Variants in ANKRD50 observed in about 807,000 individuals in gnomAD.
ANKRD50 encodes ankyrin repeat domain 50.
A neutral mutation model predicts 112.0 loss-of-function variants in ANKRD50; 40 were observed. The observed-to-expected ratio is 0.36, with a 90% CI of 0.28 to 0.46. The LOEUF (loss-of-function observed/expected upper bound fraction) is 0.46. Ranked by LOEUF, ANKRD50 falls within the 20% of genes least tolerant of loss-of-function variation. The pLI is 1.00. For missense variants in ANKRD50, 1,487 were observed against 1,701.7 expected (o/e 0.87, Z 2.22); for synonymous variants, 613 against 619.1 (o/e 0.99, Z 0.15).
In ANKRD50 at chr4:124,710,016, C is replaced by T. The variant is rs779294156; in HGVS notation, c.496G>A (p.Ala166Thr). 2.5e-6 allele frequency: 4 copies of T among 1,609,534 alleles called. No homozygotes were observed. Among genetic ancestry groups the T allele is most frequent in the South Asian group, 2.2e-5 (2 of 90,922 alleles). The stretch of plus-strand genomic sequence containing the variant: ...TATTGTTACCTTTTAAATGCTTCGG[C>T]TGGGTTTCTCTCGCACTCCCCAGGC... ...LQPGECERNPAEAFKRCVLLP... is the reference protein window; with the variant it reads ...LQPGECERNPTEAFKRCVLLP... Residue 166 changes from alanine (A) to threonine (T), a missense_variant, in exon 2 of 5, where the codon GCC becomes ACC. Around this residue, in one of 2 missense-constraint regions of ANKRD50, gnomAD observed 1,046 missense variants for 1,269.5 expected, o/e 0.82. Transcript: ENST00000504087.
Position 124,666,899 on chromosome 4 carries a change from T to A in ANKRD50, c.*619A>T, listed in dbSNP as rs1215469836. 1 of 152,216 alleles carries A rather than the reference T, an allele frequency of 6.6e-6. No individual in the cohort carries two copies. Among genetic ancestry groups the A allele is most frequent in the East Asian group, 1.9e-4 (1 of 5,186 alleles). The allele number at this position is 152,216 out of a possible 1,614,324, so 9.4% of individuals were successfully genotyped here. A position where few individuals can be genotyped will look rare whatever the true frequency, so the allele number is the denominator to read the frequency against. ...ATTTAAACTACTTAAAGCAGCTCCC[T>A]AAACTACTATAAAATATTTTTTTTA... On this transcript the variant is annotated 3_prime_UTR_variant, in exon 5 of 5. Coordinates refer to ENST00000504087, the MANE Select transcript of ANKRD50 (RefSeq NM_020337.3).
At chr4:124,684,615 T>C (rs1351664838) in intron 2 of ANKRD50, among the ~76,000 whole-genome samples, 1 of 152,184 alleles carries the variant, frequency 6.6e-6, no homozygotes, top group Non-Finnish European at 1.5e-5. Context: ...TTGATATTCA[T>C]CAGCATATGC....
In ANKRD50 at chr4:124,670,303, T is replaced by C. The variant is rs746096555; in HGVS notation, c.2974A>G (p.Met992Val). Residue 992 changes from methionine (M) to valine (V), a missense_variant, in exon 4 of 5, where the codon ATG becomes GTG. This residue lies in a region of ANKRD50 where 1,046 missense variants were observed against 1,269.5 expected (regional missense o/e 0.82). Transcript: ENST00000504087. ...GCTATCAGGACCTGCACCATTTCCA[T>C]ATGGCCTTGCCAACAAGACACATGA... ...ALHVSCWQGH[M>V]EMVQVLIAYH... is the part of the protein sequence containing the mutation. 3 of 1,613,948 alleles carry C rather than the reference T, an allele frequency of 1.9e-6. No homozygotes were observed. The highest frequency in any genetic ancestry group is 1.7e-6 in the Non-Finnish European group (2 of 1,179,896).
intron 2 of ANKRD50, among the ~76,000 whole-genome samples, chr4:124,690,621 T>G (rs1417113403): frequency 2.6e-5 from 4 of 152,116 alleles, no homozygotes; most frequent in Non-Finnish European, 4.4e-5. Context: ...CAAATTAAAG[T>G]GTTACCTTAA....
intron 2 of ANKRD50, among the ~76,000 whole-genome samples, chr4:124,702,631 C>T (rs943045936): frequency 2.0e-5 from 3 of 152,032 alleles, no homozygotes; most frequent in African/African-American, 7.2e-5. Flanking sequence ...AATTATAGAA[C>T]CTAGATAAGG....
At chr4:124,708,328 T>C (rs976992614) in intron 2 of ANKRD50, among the ~76,000 whole-genome samples, 2 of 152,136 alleles carry the variant, frequency 1.3e-5, no homozygotes, top group Non-Finnish European at 2.9e-5. Context: ...ATTTCCTCAT[T>C]AATTTAAGAA....
At chr4:124,699,121 T>A (rs1255348543) in intron 2 of ANKRD50, among the ~76,000 whole-genome samples, 2 of 152,126 alleles carry the variant, frequency 1.3e-5, no homozygotes, top group African/African-American at 4.8e-5. Context: ...AAAAAGTAAA[T>A]TCACAAGAAG....
chr4:124,680,877 C>G (rs1251540684), intron 2 of ANKRD50, among the ~76,000 whole-genome samples: 1 of 151,752 alleles, frequency 6.6e-6, no homozygotes, highest in Non-Finnish European at 1.5e-5. Flanking sequence ...GTTGAGGCAA[C>G]AGCACATGCA....
chr4:124,700,506 A>T (rs1020279174), intron 2 of ANKRD50, among the ~76,000 whole-genome samples: 1 of 152,208 alleles, frequency 6.6e-6, no homozygotes, highest in Non-Finnish European at 1.5e-5. Flanking sequence ...AGAGAAGTGG[A>T]GGTATTTGTT....
In ANKRD50 at chr4:124,671,620, C is replaced by T; in HGVS notation, c.1657G>A (p.Ala553Thr). 5 of 1,613,874 alleles carry T rather than the reference C, an allele frequency of 3.1e-6. No individual in the cohort carries two copies. The highest frequency in any genetic ancestry group is 1.7e-4 in the Middle Eastern group (1 of 6,058). The change falls in exon 4 of 5, where the codon GCA becomes ACA. Residue 553 changes from alanine to threonine, a missense_variant. Ala to Thr is a moderately conservative substitution (Grantham distance 58). Transcript: ENST00000504087. ...SNGRTLLANA[A>T]YSGSLDVVNL... ...ACTACATCAAGACTGCCACTATATGCAGCATTAGCCAATAATGTTCTCCCA... is the reference window on the plus strand; with the variant it reads ...ACTACATCAAGACTGCCACTATATGTAGCATTAGCCAATAATGTTCTCCCA...
In ANKRD50 at chr4:124,669,939, A is replaced by G. The variant is rs1342350145; in HGVS notation, c.3338T>C (p.Val1113Ala). The change falls in exon 4 of 5, where the codon GTT (valine) becomes GCT (alanine). Residue 1113 changes from valine to alanine, a missense_variant. Physicochemically the swap from Val to Ala is moderately conservative, Grantham distance 64. Around this residue, in one of 2 missense-constraint regions of ANKRD50, gnomAD observed 441 missense variants for 432.2 expected, o/e 1.02. Coordinates refer to ENST00000504087, the MANE Select transcript of ANKRD50 (RefSeq NM_020337.3). ...TAGAGGTTTTTGCTCCATTGTGTGA[A>G]CAGGAGATGGGGAACAGCCATTCAA... is the stretch of plus-strand genomic sequence containing the variant. ...SSLNGCSPSP[V>A]HTMEQKPLQS... The G allele has an allele frequency of 6.2e-7, 1 of 1,613,120 alleles. No homozygotes were observed. Among genetic ancestry groups the G allele is most frequent in the Admixed American group, 1.7e-5 (1 of 59,784 alleles).
chr4:124,677,064 T>C (rs530258143), intron 3 of ANKRD50, among the ~76,000 whole-genome samples: 29 of 151,832 alleles, frequency 1.9e-4, no homozygotes, highest in African/African-American at 6.7e-4. Flanking sequence ...AATATAATAA[T>C]ATATATCCTT....
chr4:124,671,571 G>C lies in ANKRD50; in HGVS notation c.1706C>G (p.Ala569Gly), dbSNP rs1353500019. 1 of 1,613,742 alleles carries C rather than the reference G, an allele frequency of 6.2e-7. No individual in the cohort carries two copies. The highest frequency in any genetic ancestry group is 1.1e-5 in the South Asian group (1 of 91,078). Residue 569 changes from alanine to glycine, a missense_variant, in exon 4 of 5, where the codon GCA (alanine) becomes GGA (glycine). Ala to Gly is a moderately conservative substitution (Grantham distance 60). Around this residue, in one of 2 missense-constraint regions of ANKRD50, gnomAD observed 1,046 missense variants for 1,269.5 expected, o/e 0.82. Coordinates refer to ENST00000504087, the MANE Select transcript of ANKRD50 (RefSeq NM_020337.3). ...DVVNLLVSRG[A>G]DLEIEDAHGH... is the part of the protein sequence containing the mutation. ...ATGAGCATCTTCTATCTCTAAATCT[G>C]CTCCCCTAGAGACAAGTAAATTGAC...
chr4:124,700,634 T>C (rs1227145568), intron 2 of ANKRD50, among the ~76,000 whole-genome samples: 1 of 152,242 alleles, frequency 6.6e-6, no homozygotes, highest in Non-Finnish European at 1.5e-5. Flanking sequence ...CCATTTTAAA[T>C]ATTTAACTTC....
chr4:124,674,761 ATAATT>A (rs1213851845), intron 3 of ANKRD50, among the ~76,000 whole-genome samples: 2 of 151,846 alleles, frequency 1.3e-5, no homozygotes, highest in Admixed American at 1.3e-4. Context: ...CAGAGAATTT[ATAATT>A]TAGAGAATAA....
chr4:124,670,635 C>T lies in ANKRD50; in HGVS notation c.2642G>A (p.Arg881Gln), dbSNP rs750377319. 1.5e-5 allele frequency: 25 copies of T among 1,613,390 alleles called. No homozygotes were observed. The highest frequency in any genetic ancestry group is 4.4e-5 in the South Asian group (4 of 90,956). ...TTGTGAAGCTAATATGAAAGGGATT[C>T]GTCCATCATTGTCAATCTCATTTGT... Reference protein sequence around the residue: ...ARTNEIDNDGRIPFILASQEG... With the variant: ...ARTNEIDNDGQIPFILASQEG... The change falls in exon 4 of 5, where the codon CGA becomes CAA. Residue 881 changes from arginine to glutamine, a missense_variant. By Grantham distance (43) the Arg-to-Gln change is conservative (BLOSUM62 1). Around this residue, in one of 2 missense-constraint regions of ANKRD50, gnomAD observed 1,046 missense variants for 1,269.5 expected, o/e 0.82. Transcript: ENST00000504087.
chr4:124,666,657 T>C lies in ANKRD50; in HGVS notation c.*861A>G, dbSNP rs1252165396. The C allele has an allele frequency of 6.6e-6, 1 of 152,434 alleles. No individual in the cohort carries two copies. Among genetic ancestry groups the C allele is most frequent in the East Asian group, 1.9e-4 (1 of 5,176 alleles). 9.4% of individuals were successfully genotyped at this position (152,434 alleles called of 1,614,324 possible). On this transcript the variant is annotated 3_prime_UTR_variant, in exon 5 of 5. Transcript: ENST00000504087. ...TTAGATAGACAGGTGCATTTCTCTCTGCACACACATGTGACTGAGGCATGG... is the reference window on the plus strand; with the variant it reads ...TTAGATAGACAGGTGCATTTCTCTCCGCACACACATGTGACTGAGGCATGG...
intron 2 of ANKRD50, among the ~76,000 whole-genome samples, chr4:124,682,318 G>A (rs112850381): frequency 0.057 from 4,947 of 86,176 alleles, 114 homozygotes; most frequent in Middle Eastern, 0.13. Flanking sequence ...GCAAGACTCC[G>A]TCTCAAAAAA....
At chr4:124,682,973 T>C (rs754216992) in intron 2 of ANKRD50, among the ~76,000 whole-genome samples, 2 of 151,974 alleles carry the variant, frequency 1.3e-5, no homozygotes, top group African/African-American at 2.4e-5. Flanking sequence ...AGGAATAGAA[T>C]TGTTAGATTA....
Sources: allele counts gnomAD v4.1 joint callset (sites outside exome capture counted in the v4.1 genomes callset), GRCh38; gene constraint gnomAD v4.1.1; regional missense constraint gnomAD v4.1.1; transcripts MANE v1.5; gene names NCBI Gene and HGNC (gene_info 2026-07-23, HGNC 2026-07-21).